Variants in STIL observed in about 807,000 individuals in gnomAD.
STIL encodes the protein SCL-interrupting locus protein.
In STIL, 55 loss-of-function variants were observed where a neutral mutation model predicts 110.1. That is an observed-to-expected ratio of 0.50 (90% CI 0.40 to 0.63). The LOEUF is 0.63. Ranked by LOEUF, STIL falls within the 20% of genes least tolerant of loss-of-function variation. The pLI, the probability that STIL is intolerant of heterozygous loss-of-function variation, is 0.00. For missense variants in STIL, 1,358 were observed against 1,530.0 expected, an observed-to-expected ratio of 0.89 and a Z score of 1.87; for synonymous variants, 481 against 530.0, an observed-to-expected ratio of 0.91 and a Z score of 1.27.
chr1:47,303,426 G>A (rs532053583), intron 3 of STIL, among the ~76,000 whole-genome samples: 3 of 152,240 alleles, frequency 2.0e-5, no homozygotes, highest in East Asian at 1.9e-4. Context: ...TTAGCCAGGC[G>A]TGGTGGCACA....
At chr1:47,290,794 T>C (rs374325635) in intron 8 of STIL, among the ~76,000 whole-genome samples, 2 of 152,034 alleles carry the variant, frequency 1.3e-5, no homozygotes, top group Admixed American at 6.6e-5. Context: ...TTATAAATCA[T>C]TGGAAAAGTT....
intron 15 of STIL, among the ~76,000 whole-genome samples, 162 bp from the exon 16 acceptor site, chr1:47,260,701 C>T (rs1353610003): frequency 6.6e-6 from 1 of 151,966 alleles, no homozygotes; most frequent in Non-Finnish European, 1.5e-5. Flanking sequence ...GAGATCCTGT[C>T]TCTACAAAAA....
intron 16 of STIL, among the ~76,000 whole-genome samples, chr1:47,260,019 C>G (rs1355265892): frequency 6.6e-6 from 1 of 152,182 alleles, no homozygotes; most frequent in East Asian, 1.9e-4. Flanking sequence ...TTGGCCTATC[C>G]AGCCAGGAGT....
Position 47,302,839 on chromosome 1 carries a change from TAAC to T in STIL, c.153-496_153-494del, listed in dbSNP as rs1166627683. On this transcript the variant is annotated intron_variant, in intron 3 of 16. Coordinates refer to ENST00000371877, the MANE Select transcript of STIL (RefSeq NM_001048166.1). ...TTATAAATTAGGCACAGTAAATGAT[TAAC>T]AACAATAATTAATAGTAGCATAATT... 3.9e-5 allele frequency among the ~76,000 whole-genome samples: 6 copies of T among 152,156 alleles called. No homozygotes were observed. The South Asian group carries it at 8.3e-4, about 21-fold the overall frequency.
At chr1:47,278,161 AAG>A (rs1645043578) in intron 12 of STIL, among the ~76,000 whole-genome samples, 1 of 152,220 alleles carries the variant, frequency 6.6e-6, no homozygotes, top group African/African-American at 2.4e-5. Flanking sequence ...CATAGGTAGT[AAG>A]ATGCAAATAT....
chr1:47,286,113 G>A (rs978345194), intron 10 of STIL, among the ~76,000 whole-genome samples: 2 of 151,752 alleles, frequency 1.3e-5, no homozygotes, highest in Non-Finnish European at 2.9e-5. Flanking sequence ...GACCTCAACT[G>A]ATCCGCCCGC....
intron 1 of STIL, among the ~76,000 whole-genome samples, chr1:47,312,389 CT>C (rs1205073083): frequency 7.9e-5 from 12 of 151,326 alleles, no homozygotes; most frequent in Non-Finnish European, 1.6e-4. Flanking sequence ...GGAGGCGGAG[CT>C]TGCAGCGAGT....
intron 10 of STIL, chr1:47,283,298 G>A (rs1284587020): frequency 6.6e-6 from 1 of 152,212 alleles, no homozygotes; most frequent in East Asian, 1.9e-4. Context: ...AACCCTGATT[G>A]TCTGAAGAGG....
chr1:47,300,242 T>C, intron 5 of STIL, 90 bp from the exon 6 acceptor site: 2 of 1,242,644 alleles, frequency 1.6e-6, no homozygotes, highest in Non-Finnish European at 1.1e-6. Context: ...TATACATATA[T>C]AATATCTTGC....
intron 14 of STIL, among the ~76,000 whole-genome samples, chr1:47,263,480 C>G (rs1389772999): frequency 6.6e-6 from 1 of 152,178 alleles, no homozygotes; most frequent in Non-Finnish European, 1.5e-5. Context: ...GAATTCGAGG[C>G]TGCAGTGAGC....
intron 11 of STIL, among the ~76,000 whole-genome samples, 176 bp from the exon 12 acceptor site, chr1:47,281,385 G>C (rs1403091496): frequency 6.6e-6 from 1 of 152,102 alleles, no homozygotes; most frequent in Non-Finnish European, 1.5e-5. Flanking sequence ...TAAGCACTAG[G>C]AATGCAATTG....
chr1:47,261,007 A>T (rs1401457462), intron 15 of STIL, among the ~76,000 whole-genome samples: 1 of 152,268 alleles, frequency 6.6e-6, no homozygotes, highest in Non-Finnish European at 1.5e-5. Flanking sequence ...TGCAGGTATT[A>T]TGAAGTTTTT....
intron 8 of STIL, 120 bp downstream of exon 8, chr1:47,293,338 A>T: frequency 1.3e-6 from 1 of 759,354 alleles, no homozygotes; most frequent in Admixed American, 2.5e-5. Flanking sequence ...TTCTTAATGT[A>T]CGTGTTTATT....
chr1:47,256,649 AAATGTGTCAT>A (rs1644338196), intron 16 of STIL, among the ~76,000 whole-genome samples: 1 of 150,162 alleles, frequency 6.7e-6, no homozygotes, highest in African/African-American at 2.5e-5. Context: ...ATCTTGCTGA[AAATGTGTCAT>A]AAGTACATGC....
In STIL at chr1:47,304,910, T is replaced by G. The variant is rs147576532; in HGVS notation, c.131A>C (p.Tyr44Ser). Reference sequence around the variant, plus strand: ...ATACCTGTAGTAACTGAGATGTAAGTAGATGAAATCTCCAGTTGGCGTTGG... The same window carrying G: ...ATACCTGTAGTAACTGAGATGTAAGGAGATGAAATCTCCAGTTGGCGTTGG... Reference protein sequence around the residue: ...WNPTPTGDFIYLHLSYYRNPK... With the variant: ...WNPTPTGDFISLHLSYYRNPK... The change falls in exon 3 of 17, where the codon TAC (tyrosine) becomes TCC (serine). Residue 44 changes from tyrosine to serine, a missense_variant. Tyr to Ser is a moderately radical substitution (Grantham distance 144). Transcript: ENST00000371877. 6.2e-7 allele frequency: 1 copy of G among 1,612,934 alleles called. No homozygotes were observed. Among genetic ancestry groups the G allele is most frequent in the African/African-American group, 1.3e-5 (1 of 75,002 alleles).
intron 13 of STIL, among the ~76,000 whole-genome samples, chr1:47,270,720 C>CAGGCTGGA (rs1178034175): frequency 7.7e-6 from 1 of 129,918 alleles, no homozygotes; most frequent in Non-Finnish European, 1.6e-5. Flanking sequence ...CTTTGTTGCT[C>CAGGCTGGA]AGGCTGGAGT....
chr1:47,293,731 T>C (rs1001269000), intron 7 of STIL, among the ~76,000 whole-genome samples, 187 bp from the exon 8 acceptor site: 1 of 152,062 alleles, frequency 6.6e-6, no homozygotes, highest in Non-Finnish European at 1.5e-5. Flanking sequence ...TGTATATATA[T>C]AACTATATTG....
intron 9 of STIL, among the ~76,000 whole-genome samples, chr1:47,289,072 A>AAAC (rs1553178421): frequency 2.0e-5 from 3 of 149,682 alleles, no homozygotes; most frequent in Non-Finnish European, 3.0e-5. Flanking sequence ...AAAAAAAAAA[A>AAAC]AAAAAAAAAA....
intron 16 of STIL, among the ~76,000 whole-genome samples, chr1:47,257,375 T>A (rs1050480366): frequency 1.3e-5 from 2 of 152,002 alleles, no homozygotes; most frequent in African/African-American, 4.8e-5. Context: ...ACGCCTGTGG[T>A]CCCAGCTACT....
Sources: allele counts gnomAD v4.1 joint callset (sites outside exome capture counted in the v4.1 genomes callset), GRCh38; gene constraint gnomAD v4.1.1; transcripts MANE v1.5; gene names NCBI Gene and HGNC (gene_info 2026-07-23, HGNC 2026-07-21).